The following PARD3B variants were observed in gnomAD, a reference collection of about 807,000 sequenced individuals.
PARD3B encodes the protein partitioning defective 3 homolog B.
PARD3B carries 103 observed loss-of-function variants against 130.2 expected under a neutral mutation model. The observed-to-expected ratio is 0.79, with a 90% CI of 0.67 to 0.93. The LOEUF is 0.93. PARD3B is among the 40% of genes least tolerant of loss of function. PARD3B has a pLI of 0.00. For synonymous variants in PARD3B, 583 were observed against 553.2 expected, an observed-to-expected ratio of 1.05 and a Z score of -0.76; for missense variants, 1,609 against 1,499.2, an observed-to-expected ratio of 1.07 and a Z score of -1.21.
intron 1 of PARD3B, among the ~76,000 whole-genome samples, chr2:204,626,452 T>C (rs2034490258): frequency 6.6e-6 from 1 of 152,162 alleles, no homozygotes; most frequent in Non-Finnish European, 1.5e-5. Context: ...CCAAAAATGC[T>C]TGATATTGCT....
At position 204,737,089 on chromosome 2, in the gene PARD3B, G is replaced by A. The variant is rs188611770; in HGVS notation, c.222+50807G>A. Among the ~76,000 whole-genome samples, 427 of 152,182 alleles carry A rather than the reference G, an allele frequency of 2.8e-3. 13 individuals carry two copies. Among genetic ancestry groups the A allele is most frequent in the Admixed American group, 0.025 (382 of 15,296 alleles). ...AGCCTCCCTAGTAGCTGGAATTACA[G>A]CTATGGAATTACAGCTGGAATTACA... On this transcript the variant is annotated intron_variant, in intron 2 of 22. Transcript: ENST00000406610.
At chr2:205,581,049 G>A (rs542172669) in intron 22 of PARD3B, among the ~76,000 whole-genome samples, 1 of 151,924 alleles carries the variant, frequency 6.6e-6, no homozygotes, top group Non-Finnish European at 1.5e-5. Flanking sequence ...ATAAGATTAA[G>A]CATTAACTAA....
At chr2:205,220,294 C>G (rs2038170394) in intron 15 of PARD3B, among the ~76,000 whole-genome samples, 1 of 152,146 alleles carries the variant, frequency 6.6e-6, no homozygotes, top group African/African-American at 2.4e-5. Context: ...TCTCTTCCGC[C>G]TGTTCTCTCT....
chr2:204,694,959 T>A (rs6735588), intron 2 of PARD3B, among the ~76,000 whole-genome samples: 59,359 of 151,916 alleles, frequency 0.39, 13,262 homozygotes, highest in East Asian at 0.6. Flanking sequence ...ATTATTAATT[T>A]AGCTAAGCAT....
rs1009665177 is a variant in PARD3B at position 205,525,032 on chromosome 2, A to G, written c.3180+25001A>G. Among the ~76,000 whole-genome samples, 1 of 152,206 alleles carries G rather than the reference A, an allele frequency of 6.6e-6. No homozygotes were observed. The highest frequency in any genetic ancestry group is 2.1e-4 in the South Asian group (1 of 4,826). ...AAAACACTTAAACCTCGCCAGAATA[A>G]GAGATTTCTTAGTGATGAACCATGG... On this transcript the variant is annotated intron_variant, in intron 21 of 22. Transcript: ENST00000406610. This position sits in a 1 kb window ranked among gnomAD's most constrained non-coding sequence, Gnocchi z 4.2.
At chr2:205,392,408 A>G (rs1040555387) in intron 18 of PARD3B, among the ~76,000 whole-genome samples, 1 of 152,184 alleles carries the variant, frequency 6.6e-6, no homozygotes, top group Non-Finnish European at 1.5e-5. Context: ...GGCTGGATAA[A>G]AAAGGTTGGC....
intron 2 of PARD3B, among the ~76,000 whole-genome samples, chr2:204,853,871 T>C (rs2044811011): frequency 6.6e-6 from 1 of 152,094 alleles, no homozygotes. Flanking sequence ...TAATTACAAG[T>C]TGTGGTAAAT....
intron 2 of PARD3B, among the ~76,000 whole-genome samples, chr2:204,909,971 C>T (rs538037923): frequency 6.6e-6 from 1 of 152,136 alleles, no homozygotes; most frequent in Admixed American, 6.5e-5. Context: ...TGAGCTCTTT[C>T]ATTGCTGGAG....
At chr2:204,794,075 C>CTACA (rs1463926227) in intron 2 of PARD3B, among the ~76,000 whole-genome samples, 1 of 152,086 alleles carries the variant, frequency 6.6e-6, no homozygotes, top group East Asian at 1.9e-4. Flanking sequence ...ATAGGCTTTA[C>CTACA]TACAGTTACA....
intron 10 of PARD3B, among the ~76,000 whole-genome samples, chr2:205,131,853 T>C (rs1458465305): frequency 1.3e-5 from 2 of 152,118 alleles, no homozygotes; most frequent in Admixed American, 1.3e-4. Flanking sequence ...GGAAAAAAGA[T>C]GTTGGGATAT....
chr2:205,379,441 G>A (rs1436870447), intron 18 of PARD3B, among the ~76,000 whole-genome samples: 7 of 151,802 alleles, frequency 4.6e-5, no homozygotes. Flanking sequence ...CATGTTCCAT[G>A]ATTATGATGA....
chr2:205,607,726 A>C (rs1179382507), intron 22 of PARD3B, among the ~76,000 whole-genome samples: 2 of 152,012 alleles, frequency 1.3e-5, no homozygotes, highest in East Asian at 3.9e-4. Flanking sequence ...TCTTCCCTGC[A>C]CTTACATTTC....
At chr2:204,701,185 T>C (rs1007840963) in intron 2 of PARD3B, among the ~76,000 whole-genome samples, 1 of 152,154 alleles carries the variant, frequency 6.6e-6, no homozygotes, top group African/African-American at 2.4e-5. Flanking sequence ...TGGGGATTTT[T>C]AGCTTTAGCT....
At chr2:204,792,090 A>C (rs1335778053) in intron 2 of PARD3B, among the ~76,000 whole-genome samples, 1 of 152,222 alleles carries the variant, frequency 6.6e-6, no homozygotes, top group South Asian at 2.1e-4. Flanking sequence ...TCTGGAGCTC[A>C]TGCCCTTGGG....
intron 2 of PARD3B, among the ~76,000 whole-genome samples, chr2:204,952,883 G>C (rs1428764755): frequency 2.0e-5 from 3 of 151,652 alleles, no homozygotes; most frequent in Non-Finnish European, 2.9e-5. Flanking sequence ...TGTAGTCCCA[G>C]CTACTCAAGA....
At chr2:205,452,978 A>C (rs2048155893) in intron 20 of PARD3B, among the ~76,000 whole-genome samples, 1 of 152,236 alleles carries the variant, frequency 6.6e-6, no homozygotes. Flanking sequence ...CTTTTCAAAC[A>C]AATGACCTGA....
rs554192478 is a variant in PARD3B at position 205,278,199 on chromosome 2, C to A, written c.2186-22331C>A. 8.2e-4 allele frequency among the ~76,000 whole-genome samples: 125 copies of A among 152,212 alleles called. 1 individual carries two copies. Among genetic ancestry groups the A allele is most frequent in the African/African-American group, 2.9e-3 (121 of 41,526 alleles). ...TTTAGGGAAGCCTTGGAGCTAGAAA[C>A]CATATGGCAGGGGGTACAGAGAGCA... On this transcript the variant is annotated intron_variant, in intron 16 of 22. Coordinates refer to ENST00000406610, the MANE Select transcript of PARD3B (RefSeq NM_001302769.2).
At chr2:204,962,078 C>T (rs1238281852) in intron 2 of PARD3B, among the ~76,000 whole-genome samples, 1 of 152,102 alleles carries the variant, frequency 6.6e-6, no homozygotes, top group Non-Finnish European at 1.5e-5. Flanking sequence ...GACTGACCTT[C>T]CTGTGTCTAT....
intron 2 of PARD3B, among the ~76,000 whole-genome samples, chr2:204,698,948 T>C (rs1218138321): frequency 2.6e-5 from 4 of 152,064 alleles, no homozygotes; most frequent in Non-Finnish European, 5.9e-5. Context: ...AGAAAAACCT[T>C]GGGCAGTTTA....
Sources: gnomAD v4.1 joint callset for allele counts (sites outside exome capture counted in the v4.1 genomes callset) on GRCh38, gnomAD v4.1.1 for gene constraint, Gnocchi (gnomAD v3.1) non-coding constraint, MANE v1.5 for transcripts, NCBI Gene and HGNC (gene_info 2026-07-23, HGNC 2026-07-21) for gene names.